Variants in SPMIP11 observed in about 807,000 individuals in gnomAD.
The protein encoded by SPMIP11 is sperm microtubule inner protein 11, also known as long intergenic non-protein coding RNA 935.
At chr12:48,768,680 C>T in the SPMIP11 span, 2 of 1,614,164 alleles carry the variant, frequency 1.2e-6, no homozygotes, top group East Asian at 2.2e-5. Flanking sequence ...AGCTGGTAGC[C>T]CTTGGCAGCT....
the SPMIP11 span, among the ~76,000 whole-genome samples, chr12:48,754,893 C>T: frequency 1.3e-5 from 2 of 151,576 alleles, no homozygotes; most frequent in Non-Finnish European, 2.9e-5. Context: ...ACCACAGGCT[C>T]GTGCCACCAT....
chr12:48,759,186 G>A, the SPMIP11 span: 1 of 702,410 alleles, frequency 1.4e-6, no homozygotes, highest in South Asian at 1.5e-5. Context: ...CAAGTACTCA[G>A]AACGAGTCTA....
chr12:48,771,387 T>C, the SPMIP11 span: 1 of 512,530 alleles, frequency 2.0e-6, no homozygotes, highest in South Asian at 2.1e-5. The surrounding 1 kb of genome is among the most constrained non-coding windows in gnomAD (Gnocchi z 4.3). Context: ...CCATCTTGCT[T>C]GGTTGGTCTC....
chr12:48,764,513 G>A, the SPMIP11 span, among the ~76,000 whole-genome samples: 3 of 152,088 alleles, frequency 2.0e-5, no homozygotes, highest in African/African-American at 7.2e-5. Flanking sequence ...AAGCCAAGAA[G>A]AAAGAAAAAT....
At chr12:48,729,779 T>C in the SPMIP11 span, among the ~76,000 whole-genome samples, 1 of 151,956 alleles carries the variant, frequency 6.6e-6, no homozygotes, top group Non-Finnish European at 1.5e-5. Flanking sequence ...CTCTGTCCTC[T>C]GCAATTCCAT....
the SPMIP11 span, chr12:48,770,955 G>T: frequency 6.2e-7 from 1 of 1,614,000 alleles, no homozygotes; most frequent in Non-Finnish European, 8.5e-7. Context: ...TGCCGGAACC[G>T]CTCCTCGCTG....
At chr12:48,755,723 T>C in the SPMIP11 span, among the ~76,000 whole-genome samples, 1 of 152,020 alleles carries the variant, frequency 6.6e-6, no homozygotes, top group Non-Finnish European at 1.5e-5. Flanking sequence ...GTTGAGATAA[T>C]AGAGAACATC....
the SPMIP11 span, among the ~76,000 whole-genome samples, chr12:48,759,764 G>A: frequency 2.0e-5 from 3 of 151,844 alleles, no homozygotes; most frequent in Non-Finnish European, 4.4e-5. Flanking sequence ...AGAGGAAGAG[G>A]GAGAAAGTAG....
the SPMIP11 span, among the ~76,000 whole-genome samples, chr12:48,762,035 T>G: frequency 1.4e-5 from 2 of 145,118 alleles, no homozygotes; most frequent in South Asian, 4.3e-4. Context: ...TATATAACAC[T>G]CTTATAACAT....
At chr12:48,758,915 T>G in the SPMIP11 span, among the ~76,000 whole-genome samples, 5 of 152,226 alleles carry the variant, frequency 3.3e-5, no homozygotes, top group Non-Finnish European at 7.3e-5. Context: ...AGGGCCTTTT[T>G]CACTTGGACT....
the SPMIP11 span, among the ~76,000 whole-genome samples, chr12:48,759,563 T>C: frequency 1.3e-5 from 2 of 151,788 alleles, no homozygotes; most frequent in Non-Finnish European, 2.9e-5. Context: ...GGTGCATGCC[T>C]GTAGTCTCAG....
chr12:48,771,447 T>C, the SPMIP11 span: 1 of 593,120 alleles, frequency 1.7e-6, no homozygotes, highest in Admixed American at 2.7e-5. This position sits in a 1 kb window ranked among gnomAD's most constrained non-coding sequence, Gnocchi z 4.3. Flanking sequence ...GACATCCACC[T>C]GGTACCTATC....
chr12:48,758,180 A>C, the SPMIP11 span, among the ~76,000 whole-genome samples: 4 of 152,146 alleles, frequency 2.6e-5, no homozygotes, highest in African/African-American at 4.8e-5. Flanking sequence ...TACATAAATA[A>C]ATAAAAAGAG....
the SPMIP11 span, among the ~76,000 whole-genome samples, chr12:48,741,919 G>A: frequency 2.0e-5 from 3 of 152,118 alleles, no homozygotes; most frequent in Admixed American, 6.6e-5. Context: ...CATTACAGGC[G>A]TGAGCCATTG....
At chr12:48,764,539 C>T in the SPMIP11 span, among the ~76,000 whole-genome samples, 1 of 152,054 alleles carries the variant, frequency 6.6e-6, no homozygotes, top group South Asian at 2.1e-4. Context: ...ATCAGTGGAC[C>T]CCATCTTACA....
At chr12:48,760,005 C>G in the SPMIP11 span, among the ~76,000 whole-genome samples, 1 of 152,022 alleles carries the variant, frequency 6.6e-6, no homozygotes, top group Non-Finnish European at 1.5e-5. Flanking sequence ...TTGGTTTGTC[C>G]AGGTTGGTCT....
At chr12:48,769,067 G>A in the SPMIP11 span, 1 of 1,608,608 alleles carries the variant, frequency 6.2e-7, no homozygotes, top group Non-Finnish European at 8.5e-7. Context: ...CAGCCCTGAG[G>A]TGGAGAGAAC....
chr12:48,730,114 G>C, the SPMIP11 span, among the ~76,000 whole-genome samples: 1 of 151,884 alleles, frequency 6.6e-6, no homozygotes, highest in Non-Finnish European at 1.5e-5. Flanking sequence ...GTGTACAGCC[G>C]ACCAATTGTC....
chr12:48,766,622 A>T, the SPMIP11 span: 3 of 152,674 alleles, frequency 2.0e-5, no homozygotes, highest in Non-Finnish European at 4.4e-5. Flanking sequence ...ATGACTAATG[A>T]AGTACCTGAT....
Sources: gnomAD v4.1 joint callset for allele counts (sites outside exome capture counted in the v4.1 genomes callset) on GRCh38, gnomAD v4.1.1 for gene constraint, Gnocchi (gnomAD v3.1) non-coding constraint, MANE v1.5 for transcripts, NCBI Gene and HGNC (gene_info 2026-07-23, HGNC 2026-07-21) for gene names.